Variants in SCHIP1 observed in about 807,000 individuals in gnomAD.
SCHIP1 encodes the protein schwannomin interacting protein 1, also known as schwannomin-interacting protein 1.
A neutral mutation model predicts 29.7 loss-of-function variants in SCHIP1; 8 were observed. The observed-to-expected ratio is 0.27, with a 90% CI of 0.16 to 0.49. The LOEUF (loss-of-function observed/expected upper bound fraction) is 0.49. Among genes scored for constraint, SCHIP1 ranks in the 20% least tolerant of loss-of-function variants. The pLI, the probability that SCHIP1 is intolerant of heterozygous loss-of-function variation, is 0.99. For synonymous variants in SCHIP1, 76 were observed against 94.9 expected (o/e 0.80, Z 1.16); for missense variants, 193 against 294.6 (o/e 0.66, Z 2.52).
At chr3:159,782,549 C>T in the SCHIP1 span, among the ~76,000 whole-genome samples, 2 of 152,132 alleles carry the variant, frequency 1.3e-5, no homozygotes, top group Non-Finnish European at 2.9e-5. Flanking sequence ...CAAAAAAAAT[C>T]ATTCAAACAT....
the SCHIP1 span, among the ~76,000 whole-genome samples, chr3:159,740,440 C>G: frequency 6.6e-6 from 1 of 152,158 alleles, no homozygotes; most frequent in Non-Finnish European, 1.5e-5. Flanking sequence ...CAACACACCA[C>G]AGCTTCCAAC....
the SCHIP1 span, among the ~76,000 whole-genome samples, chr3:159,406,328 G>A: frequency 6.6e-6 from 1 of 152,100 alleles, no homozygotes; most frequent in Non-Finnish European, 1.5e-5. Flanking sequence ...TATTTAAAGT[G>A]CTGAATGAAA....
At chr3:159,707,397 A>C in the SCHIP1 span, among the ~76,000 whole-genome samples, 2 of 152,352 alleles carry the variant, frequency 1.3e-5, no homozygotes, top group African/African-American at 4.8e-5. Context: ...AATTAGAAAA[A>C]TATATATTTC....
the SCHIP1 span, among the ~76,000 whole-genome samples, chr3:159,799,114 A>T: frequency 6.6e-6 from 1 of 152,136 alleles, no homozygotes; most frequent in Admixed American, 6.5e-5. Context: ...GGTGTTCAAG[A>T]GGCTTTATTC....
chr3:159,676,645 C>G, the SCHIP1 span, among the ~76,000 whole-genome samples: 1 of 152,152 alleles, frequency 6.6e-6, no homozygotes, highest in East Asian at 1.9e-4. Context: ...GACTAACCCT[C>G]AAAACCCACA....
the SCHIP1 span, among the ~76,000 whole-genome samples, chr3:159,607,907 C>T: frequency 0.047 from 7,128 of 152,176 alleles, 602 homozygotes; most frequent in African/African-American, 0.16. Flanking sequence ...AGCTGAGTGC[C>T]ACTTGTGGCT....
the SCHIP1 span, among the ~76,000 whole-genome samples, chr3:159,581,474 G>A: frequency 5.3e-5 from 8 of 152,252 alleles, no homozygotes; most frequent in African/African-American, 1.7e-4. Flanking sequence ...GCCCACCCGC[G>A]CCAGCAAAGA....
intron 1 of SCHIP1, among the ~76,000 whole-genome samples, chr3:159,846,278 A>G (rs1022560762): frequency 2.0e-5 from 3 of 152,240 alleles, no homozygotes; most frequent in African/African-American, 7.2e-5. Flanking sequence ...GAGGTATCAT[A>G]CCCAGCACAT....
At chr3:159,316,193 T>C in the SCHIP1 span, among the ~76,000 whole-genome samples, 2 of 152,002 alleles carry the variant, frequency 1.3e-5, no homozygotes, top group Non-Finnish European at 2.9e-5. Context: ...AGGATATATA[T>C]ATATATCTAT....
upstream of SCHIP1, among the ~76,000 whole-genome samples, chr3:159,835,551 C>T (rs1363939155): frequency 6.6e-6 from 1 of 152,236 alleles, no homozygotes; most frequent in Non-Finnish European, 1.5e-5. Context: ...AAGTAAGTTG[C>T]AGACATCAGT....
the SCHIP1 span, chr3:159,765,832 C>T: frequency 6.6e-6 from 1 of 152,358 alleles, no homozygotes; most frequent in East Asian, 1.9e-4. Context: ...GTGAATCCCT[C>T]CTTGTTTTGA....
the SCHIP1 span, among the ~76,000 whole-genome samples, chr3:159,791,869 G>A: frequency 6.6e-6 from 1 of 152,096 alleles, no homozygotes; most frequent in Non-Finnish European, 1.5e-5. Context: ...ATTCCCCAGT[G>A]ATTATTAGAA....
chr3:159,384,763 A>G, the SCHIP1 span, among the ~76,000 whole-genome samples: 4 of 151,930 alleles, frequency 2.6e-5, no homozygotes, highest in Non-Finnish European at 4.4e-5. Context: ...TTGGTAAGCT[A>G]TTGATTATTG....
At chr3:159,600,303 A>C in the SCHIP1 span, among the ~76,000 whole-genome samples, 1 of 152,138 alleles carries the variant, frequency 6.6e-6, no homozygotes, top group Non-Finnish European at 1.5e-5. Flanking sequence ...CTAATCCTTT[A>C]ATTTGCTGTT....
chr3:159,552,812 C>T, the SCHIP1 span, among the ~76,000 whole-genome samples: 1 of 152,288 alleles, frequency 6.6e-6, no homozygotes, highest in Admixed American at 6.5e-5. Flanking sequence ...CCTTATGTAA[C>T]CTTACCATTG....
chr3:159,498,666 C>G, the SCHIP1 span, among the ~76,000 whole-genome samples: 32 of 150,898 alleles, frequency 2.1e-4, no homozygotes, highest in Non-Finnish European at 1.8e-4. Flanking sequence ...TCACACTTTG[C>G]CTAAAAAAAA....
the SCHIP1 span, among the ~76,000 whole-genome samples, chr3:159,377,965 A>T: frequency 2.6e-5 from 4 of 152,192 alleles, no homozygotes; most frequent in Non-Finnish European, 5.9e-5. Context: ...AGGCCCTGTT[A>T]TGTGGGAGCA....
chr3:159,814,152 A>C, the SCHIP1 span, among the ~76,000 whole-genome samples: 1 of 152,232 alleles, frequency 6.6e-6, no homozygotes, highest in South Asian at 2.1e-4. Context: ...CCAAGGTAGG[A>C]GCAGTAGCAA....
At chr3:159,473,654 C>T in the SCHIP1 span, among the ~76,000 whole-genome samples, 60 of 139,694 alleles carry the variant, frequency 4.3e-4, no homozygotes, top group Non-Finnish European at 8.1e-4. Context: ...TGAAATCTAC[C>T]CTACAGGAAA....
Sources: gnomAD v4.1 joint callset for allele counts (sites outside exome capture counted in the v4.1 genomes callset) on GRCh38, gnomAD v4.1.1 for gene constraint, MANE v1.5 for transcripts, NCBI Gene and HGNC (gene_info 2026-07-23, HGNC 2026-07-21) for gene names.